OPCML: variants seen among roughly 807,000 people sequenced by gnomAD.
OPCML encodes the protein opioid binding protein/cell adhesion molecule like.
OPCML carries 13 observed loss-of-function variants against 37.8 expected under a neutral mutation model. That is an observed-to-expected ratio of 0.34 (90% CI 0.22 to 0.55). The LOEUF is 0.55. Ranked by LOEUF, OPCML falls within the 20% of genes least tolerant of loss-of-function variation. OPCML has a pLI of 0.91. For synonymous variants in OPCML, 176 were observed against 168.8 expected (o/e 1.04, Z -0.33); for missense variants, 341 against 435.6 (o/e 0.78, Z 1.93).
At chr11:132,435,201 C>T in intron 7 of OPCML, 3 of 1,289,846 alleles carry the variant, frequency 2.3e-6, no homozygotes, top group Non-Finnish European at 3.0e-6. Flanking sequence ...ACACACACAG[C>T]ACAATGCACA....
chr11:133,234,581 G>A (rs571238353), intron 1 of OPCML, among the ~76,000 whole-genome samples: 23 of 152,354 alleles, frequency 1.5e-4, no homozygotes, highest in South Asian at 8.3e-4. Context: ...GTGTGTGGCC[G>A]TGACTACTCC....
intron 1 of OPCML, among the ~76,000 whole-genome samples, chr11:133,406,272 G>A (rs1241646130): frequency 6.6e-6 from 1 of 152,144 alleles, no homozygotes; most frequent in Non-Finnish European, 1.5e-5. Flanking sequence ...TTTAAGGGGT[G>A]CATATCTGAG....
chr11:132,891,959 G>A (rs1005649232), intron 2 of OPCML, among the ~76,000 whole-genome samples: 6 of 102,032 alleles, frequency 5.9e-5, no homozygotes, highest in Admixed American at 8.6e-5. Flanking sequence ...CCTGGGCTCC[G>A]TTCCCACCCT....
At chr11:132,813,574 C>G (rs1939467175) in intron 2 of OPCML, among the ~76,000 whole-genome samples, 1 of 152,170 alleles carries the variant, frequency 6.6e-6, no homozygotes, top group Non-Finnish European at 1.5e-5. Context: ...TCTTAAATCT[C>G]ACTCTTAGCT....
Position 132,418,041 on chromosome 11 carries a change from TTGTATGTA to T in OPCML, c.*2144_*2151del, listed in dbSNP as rs1373053319. ...TTTAGTGTGCCAAGATAGCCTATGT[TTGTATGTA>T]TGTATATATGTATAGATATCTCTGT... On this transcript the variant is annotated 3_prime_UTR_variant, in exon 8 of 8. Coordinates refer to ENST00000524381, the MANE Select transcript of OPCML (RefSeq NM_001012393.5). The T allele has an allele frequency of 6.6e-6, 1 of 152,192 alleles. No homozygotes were observed. The highest frequency in any genetic ancestry group is 1.5e-5 in the Non-Finnish European group (1 of 68,040). The allele number at this position is 152,192 out of a possible 1,614,324, so 9.4% of individuals were successfully genotyped here.
At chr11:133,307,178 A>G (rs1441298623) in intron 1 of OPCML, among the ~76,000 whole-genome samples, 1 of 152,088 alleles carries the variant, frequency 6.6e-6, no homozygotes, top group Non-Finnish European at 1.5e-5. Context: ...GTAAAAGTAA[A>G]TGAATGTCAG....
intron 1 of OPCML, among the ~76,000 whole-genome samples, chr11:133,103,606 T>C: frequency 6.6e-6 from 1 of 152,248 alleles, no homozygotes; most frequent in Non-Finnish European, 1.5e-5. Context: ...TAGACATTTT[T>C]AAGCTTCTAT....
intron 1 of OPCML, among the ~76,000 whole-genome samples, chr11:133,435,667 TTTATGTGGAC>T (rs1946218302): frequency 6.6e-6 from 1 of 152,194 alleles, no homozygotes; most frequent in Non-Finnish European, 1.5e-5. Context: ...GGAAAGGCAT[TTTATGTGGAC>T]GATACAAGCA....
chr11:133,483,851 G>A (rs1226857773), intron 1 of OPCML, among the ~76,000 whole-genome samples: 1 of 141,668 alleles, frequency 7.1e-6, no homozygotes, highest in Non-Finnish European at 1.5e-5. Flanking sequence ...GATGATAGAT[G>A]GATAGATAGA....
chr11:132,449,166 G>A (rs1398123169), intron 4 of OPCML, among the ~76,000 whole-genome samples: 1 of 152,202 alleles, frequency 6.6e-6, no homozygotes, highest in Non-Finnish European at 1.5e-5. Flanking sequence ...ACAATTTCAA[G>A]GTAGCTCTCA....
chr11:132,665,295 C>T (rs1002566387), intron 2 of OPCML, among the ~76,000 whole-genome samples: 20 of 152,280 alleles, frequency 1.3e-4, no homozygotes, highest in African/African-American at 4.8e-4. Context: ...TCAGCCATGT[C>T]TGATGATAGA....
intron 1 of OPCML, among the ~76,000 whole-genome samples, chr11:133,340,659 T>C (rs938788830): frequency 1.3e-5 from 2 of 150,772 alleles, no homozygotes; most frequent in East Asian, 3.9e-4. Flanking sequence ...TAAGAGCTTT[T>C]ACATTTCCCT....
chr11:132,514,842 C>A (rs1473436971), intron 4 of OPCML, among the ~76,000 whole-genome samples: 1 of 152,092 alleles, frequency 6.6e-6, no homozygotes, highest in Non-Finnish European at 1.5e-5. Flanking sequence ...CATCCCAGAG[C>A]ACCACGGCCC....
chr11:132,830,807 C>T (rs1352083311), intron 2 of OPCML, among the ~76,000 whole-genome samples: 2 of 151,112 alleles, frequency 1.3e-5, no homozygotes, highest in South Asian at 4.1e-4. Flanking sequence ...CGCGTGCTTT[C>T]TTCAAAGTGA....
At chr11:133,381,614 G>A (rs1045310403) in intron 1 of OPCML, among the ~76,000 whole-genome samples, 9 of 152,254 alleles carry the variant, frequency 5.9e-5, no homozygotes, top group African/African-American at 1.9e-4. Context: ...ATGAAAAGAG[G>A]ATGGGAGAAA....
At chr11:133,263,948 C>T (rs1941570526) in intron 1 of OPCML, among the ~76,000 whole-genome samples, 1 of 152,176 alleles carries the variant, frequency 6.6e-6, no homozygotes, top group Non-Finnish European at 1.5e-5. Context: ...ACACAGGCTG[C>T]TGTCTAAGCT....
chr11:133,481,349 A>T (rs1050394773), intron 1 of OPCML, among the ~76,000 whole-genome samples: 28 of 152,258 alleles, frequency 1.8e-4, no homozygotes, highest in African/African-American at 6.5e-4. Context: ...GAAAAGGGAA[A>T]TTACTGATCA....
intron 1 of OPCML, among the ~76,000 whole-genome samples, chr11:133,230,214 C>G (rs950386126): frequency 1.3e-5 from 2 of 152,200 alleles, no homozygotes; most frequent in African/African-American, 4.8e-5. Flanking sequence ...TGTGTGGAAA[C>G]ACCACTCGCC....
chr11:132,591,717 G>A (rs1426310467), intron 3 of OPCML, among the ~76,000 whole-genome samples: 1 of 152,194 alleles, frequency 6.6e-6, no homozygotes, highest in Non-Finnish European at 1.5e-5. Context: ...TAAAATAAAT[G>A]AGACGTTACG....
Sources: gnomAD v4.1 joint callset for allele counts (sites outside exome capture counted in the v4.1 genomes callset) on GRCh38, gnomAD v4.1.1 for gene constraint, MANE v1.5 for transcripts, NCBI Gene and HGNC (gene_info 2026-07-23, HGNC 2026-07-21) for gene names.